TRIO: variants seen among roughly 807,000 people sequenced by gnomAD.
The protein encoded by TRIO is triple functional domain protein.
A neutral mutation model predicts 351.9 loss-of-function variants in TRIO; 58 were observed. The ratio of observed to expected loss-of-function variants is 0.16; its 90% CI spans 0.13 to 0.21. TRIO has a LOEUF of 0.21. TRIO is among the 10% of genes least tolerant of loss of function. The probability of loss-of-function intolerance (pLI) is 1.00; values close to 1 mark genes in which losing one functional copy is unlikely to be tolerated. For synonymous variants in TRIO, 1,758 were observed against 1,595.7 expected, an observed-to-expected ratio of 1.10 and a Z score of -2.42; for missense variants, 3,201 against 4,027.8, an observed-to-expected ratio of 0.79 and a Z score of 5.56.
In TRIO at chr5:14,381,252, G is replaced by T; in HGVS notation, c.3570G>T (p.Lys1190Asn). Residue 1190 changes from lysine to asparagine, a missense_variant and splice_region_variant, in exon 21 of 57, where the codon AAG (lysine) becomes AAT (asparagine). Physicochemically the swap from Lys to Asn is moderately conservative, Grantham distance 94. Around this residue, in one of 19 missense-constraint regions of TRIO, gnomAD observed 201 missense variants for 266.5 expected, o/e 0.75. Coordinates refer to ENST00000344204, the MANE Select transcript of TRIO (RefSeq NM_007118.4). ...KEHEEFQITAKQTKERVKLLI... is the reference protein window; with the variant it reads ...KEHEEFQITANQTKERVKLLI... ...ACGAGGAGTTCCAGATAACTGCAAA[G>T]GTGGGTTCAGAGTGTACTTTGTATA... 6.2e-7 allele frequency: 1 copy of T among 1,609,082 alleles called. No individual in the cohort carries two copies. Among genetic ancestry groups the T allele is most frequent in the Non-Finnish European group, 8.5e-7 (1 of 1,178,470 alleles).
intron 1 of TRIO, among the ~76,000 whole-genome samples, chr5:14,269,006 A>T (rs1795844303): frequency 6.6e-6 from 1 of 152,202 alleles, no homozygotes; most frequent in Non-Finnish European, 1.5e-5. Flanking sequence ...TTTGCCTTTT[A>T]TAAATAGCCA....
chr5:14,195,638 T>A (rs1258586817), intron 1 of TRIO, among the ~76,000 whole-genome samples: 1 of 152,264 alleles, frequency 6.6e-6, no homozygotes, highest in Non-Finnish European at 1.5e-5. Context: ...TGGTAATTTT[T>A]AAATTCTTCC....
At chr5:14,250,867 T>C (rs1351153159) in intron 1 of TRIO, among the ~76,000 whole-genome samples, 1 of 152,226 alleles carries the variant, frequency 6.6e-6, no homozygotes, top group African/African-American at 2.4e-5. Context: ...ACACGCATTT[T>C]CTCACTGAAT....
At chr5:14,415,572 A>C (rs1258560300) in intron 33 of TRIO, among the ~76,000 whole-genome samples, 1 of 152,200 alleles carries the variant, frequency 6.6e-6, no homozygotes, top group Admixed American at 6.5e-5. Context: ...GTGATATGAC[A>C]TGGTTTCTTT....
At chr5:14,230,385 A>T (rs1402338242) in intron 1 of TRIO, among the ~76,000 whole-genome samples, 1 of 140,700 alleles carries the variant, frequency 7.1e-6, no homozygotes, top group African/African-American at 3.2e-5. Flanking sequence ...TTGGGTGATG[A>T]GGGGAGGCTG....
intron 9 of TRIO, among the ~76,000 whole-genome samples, chr5:14,326,354 C>A (rs1236379123): frequency 6.6e-6 from 1 of 151,004 alleles, no homozygotes; most frequent in East Asian, 1.9e-4. Flanking sequence ...GCTAAACATT[C>A]TGAACAGCTT....
chr5:14,154,454 A>G lies in TRIO; in HGVS notation c.157+10572A>G, dbSNP rs561953479. Among the ~76,000 whole-genome samples, 3 of 152,032 alleles carry G rather than the reference A, an allele frequency of 2.0e-5. No individual in the cohort carries two copies. In the South Asian group the frequency reaches 6.3e-4, roughly 32 times the overall value. ...TATAGCTGTTTCGTTGTAGCCACTCATTTTTTTGCTGTTTTTCATCAAAAT... is the reference window on the plus strand; with the variant it reads ...TATAGCTGTTTCGTTGTAGCCACTCGTTTTTTTGCTGTTTTTCATCAAAAT... On this transcript the variant is annotated intron_variant, in intron 1 of 56. Coordinates refer to ENST00000344204, the MANE Select transcript of TRIO (RefSeq NM_007118.4).
chr5:14,223,422 G>C (rs1411066742), intron 1 of TRIO, among the ~76,000 whole-genome samples: 1 of 152,144 alleles, frequency 6.6e-6, no homozygotes, highest in Non-Finnish European at 1.5e-5. Flanking sequence ...CCAGGAGCAG[G>C]CTCTCCTTCC....
chr5:14,318,666 G>A (rs1393307408), intron 9 of TRIO, among the ~76,000 whole-genome samples: 2 of 152,196 alleles, frequency 1.3e-5, no homozygotes, highest in Non-Finnish European at 2.9e-5. Context: ...GGAAAGAAGA[G>A]GCTGGAGCCA....
intron 1 of TRIO, among the ~76,000 whole-genome samples, chr5:14,200,785 G>A (rs1791062388): frequency 6.6e-6 from 1 of 152,150 alleles, no homozygotes. Context: ...CTTTGATGTG[G>A]TTACTGCTGT....
intron 1 of TRIO, among the ~76,000 whole-genome samples, chr5:14,230,037 A>T (rs937017248): frequency 1.2e-4 from 19 of 152,190 alleles, no homozygotes; most frequent in Non-Finnish European, 2.6e-4. Context: ...CAGAAGTTGT[A>T]ACGTTTGCCA....
chr5:14,234,127 C>CT (rs1281092971), intron 1 of TRIO, among the ~76,000 whole-genome samples: 1 of 152,142 alleles, frequency 6.6e-6, no homozygotes, highest in East Asian at 1.9e-4. Context: ...CCAGAGACGT[C>CT]TAAAATATTT....
chr5:14,462,163 G>T (rs1753869874), intron 35 of TRIO, among the ~76,000 whole-genome samples: 1 of 152,126 alleles, frequency 6.6e-6, no homozygotes, highest in Non-Finnish European at 1.5e-5. Flanking sequence ...GTTTTCTGCT[G>T]TTTTTTTCCT....
At chr5:14,486,314 A>G (rs1274097503) in intron 47 of TRIO, among the ~76,000 whole-genome samples, 1 of 152,296 alleles carries the variant, frequency 6.6e-6, no homozygotes, top group East Asian at 1.9e-4. Flanking sequence ...AGCCACCTCT[A>G]CACCTTGCGT....
intron 3 of TRIO, among the ~76,000 whole-genome samples, chr5:14,282,662 C>T (rs1029492337): frequency 6.6e-6 from 1 of 152,118 alleles, no homozygotes; most frequent in African/African-American, 2.4e-5. Flanking sequence ...CCAGCTTCAG[C>T]GTTTATCAGA....
chr5:14,437,668 G>A (rs1421787230), intron 34 of TRIO, among the ~76,000 whole-genome samples: 1 of 149,110 alleles, frequency 6.7e-6, no homozygotes, highest in African/African-American at 2.5e-5. Flanking sequence ...AGGACACCAG[G>A]CATATTGGAT....
intron 1 of TRIO, among the ~76,000 whole-genome samples, chr5:14,191,324 G>A (rs923401243): frequency 1.3e-5 from 2 of 152,190 alleles, no homozygotes; most frequent in African/African-American, 4.8e-5. Flanking sequence ...CAGGCACAGT[G>A]GCTGCACTTG....
chr5:14,489,117 A>G (rs775428451), intron 48 of TRIO: 1 of 737,334 alleles, frequency 1.4e-6, no homozygotes, highest in Non-Finnish European at 2.5e-6. Flanking sequence ...AACGCTTTAT[A>G]AATTTTTAAA....
intron 2 of TRIO, among the ~76,000 whole-genome samples, chr5:14,278,629 A>G (rs1030660247): frequency 1.3e-5 from 2 of 152,236 alleles, no homozygotes; most frequent in Admixed American, 6.5e-5. Context: ...TTTGAAAAGC[A>G]TGAAAGCTAT....
Sources: allele counts gnomAD v4.1 joint callset (sites outside exome capture counted in the v4.1 genomes callset), GRCh38; gene constraint gnomAD v4.1.1; regional missense constraint gnomAD v4.1.1; transcripts MANE v1.5; gene names NCBI Gene and HGNC (gene_info 2026-07-23, HGNC 2026-07-21).